The following TENM1 variants were observed in gnomAD, a reference collection of about 807,000 sequenced individuals.
TENM1 encodes teneurin-1.
Under a neutral mutation model 174.8 loss-of-function variants are expected in TENM1, and 35 were observed. That is an observed-to-expected ratio of 0.20 (90% CI 0.15 to 0.27). The LOEUF is 0.27. Ranked by LOEUF, TENM1 falls within the 10% of genes least tolerant of loss-of-function variation. The pLI is 1.00. For missense variants in TENM1, 1,633 were observed against 2,130.1 expected, an observed-to-expected ratio of 0.77 and a Z score of 4.59; for synonymous variants, 781 against 798.7, an observed-to-expected ratio of 0.98 and a Z score of 0.37.
At chrX:124,581,071 T>TC (rs2049294142) in intron 11 of TENM1, among the ~76,000 whole-genome samples, 2 of 98,012 alleles carry the variant, frequency 2.0e-5, no homozygotes, top group Admixed American at 2.2e-4. Context: ...TTTTTTTTTT[T>TC]TTTTTTTTTT....
intron 3 of TENM1, among the ~76,000 whole-genome samples, chrX:124,851,714 C>T (rs1374546917): frequency 1.8e-5 from 2 of 110,936 alleles, no homozygotes; most frequent in Non-Finnish European, 3.8e-5. Context: ...ATCCTGATTG[C>T]TTCCATTTCT....
chrX:125,139,015 G>C, the TENM1 span, among the ~76,000 whole-genome samples: 1 of 110,500 alleles, frequency 9.0e-6, no homozygotes, highest in Non-Finnish European at 1.9e-5. Context: ...ATGGATGATA[G>C]TGTTCTACTA....
chrX:124,866,869 A>C (rs1235397965), intron 3 of TENM1, among the ~76,000 whole-genome samples: 1 of 111,070 alleles, frequency 9.0e-6, no homozygotes, highest in African/African-American at 3.3e-5. Flanking sequence ...ATCTGCAACT[A>C]TATGCTAATA....
the TENM1 span, among the ~76,000 whole-genome samples, chrX:125,104,475 T>C: frequency 8.9e-6 from 1 of 111,751 alleles, no homozygotes; most frequent in African/African-American, 3.3e-5. Context: ...AATTATGACA[T>C]TGACAATGTC....
At chrX:124,615,151 C>A (rs766413408) in intron 11 of TENM1, among the ~76,000 whole-genome samples, 13 of 112,181 alleles carry the variant, frequency 1.2e-4, no homozygotes, top group Admixed American at 9.4e-4. Flanking sequence ...AAATATGTAA[C>A]CTTGGATGTA....
In TENM1 at chrX:124,522,979, C is replaced by T. The variant is rs182186796; in HGVS notation, c.3033+385G>A. Among the ~76,000 whole-genome samples the T allele has an allele frequency of 2.7e-3, 305 of 112,215 alleles. 3 individuals carry two copies. Among genetic ancestry groups the T allele is most frequent in the Admixed American group, 0.027 (284 of 10,580 alleles). ...CTGGGATTACAGGCATGAGCCGCCACGCCCAGCTCAAAAACTAAATTTCTT... is the reference window on the plus strand; with the variant it reads ...CTGGGATTACAGGCATGAGCCGCCATGCCCAGCTCAAAAACTAAATTTCTT... On this transcript the variant is annotated intron_variant, in intron 17 of 31. Coordinates refer to ENST00000422452, the Ensembl canonical transcript of TENM1.
At chrX:124,401,178 T>C (rs972444528) in intron 27 of TENM1, among the ~76,000 whole-genome samples, 5 of 110,873 alleles carry the variant, frequency 4.5e-5, no homozygotes, top group African/African-American at 1.6e-4. Flanking sequence ...CCTTTTCTGA[T>C]TTTTTTTTCT....
chrX:124,984,446 G>A, the TENM1 span, among the ~76,000 whole-genome samples: 4 of 112,119 alleles, frequency 3.6e-5, no homozygotes. Context: ...TTGTCTAAAG[G>A]TATTAATTTT....
the TENM1 span, among the ~76,000 whole-genome samples, chrX:125,180,756 T>A: frequency 9.0e-6 from 1 of 111,207 alleles, no homozygotes; most frequent in Non-Finnish European, 1.9e-5. Flanking sequence ...TCTATGCTTA[T>A]CTCTTCTCAT....
At chrX:124,597,484 G>A (rs762073007) in intron 11 of TENM1, among the ~76,000 whole-genome samples, 5 of 111,008 alleles carry the variant, frequency 4.5e-5, no homozygotes, top group South Asian at 3.9e-4. Flanking sequence ...GGATGCAAAC[G>A]CACAAGAATG....
chrX:124,657,803 G>A (rs2148407096), intron 6 of TENM1, among the ~76,000 whole-genome samples: 1 of 111,867 alleles, frequency 8.9e-6, no homozygotes, highest in South Asian at 3.8e-4. Context: ...AGCAATCTGA[G>A]TTGTATTTTA....
intron 3 of TENM1, among the ~76,000 whole-genome samples, chrX:124,830,974 G>C (rs1372861985): frequency 9.0e-6 from 1 of 111,545 alleles, no homozygotes; most frequent in Non-Finnish European, 1.9e-5. Context: ...TTAGCTCCTG[G>C]GGGTAATGGG....
chrX:124,842,834 C>A (rs764628178), intron 3 of TENM1, among the ~76,000 whole-genome samples: 1 of 111,223 alleles, frequency 9.0e-6, no homozygotes, highest in African/African-American at 3.3e-5. Flanking sequence ...TAGTCCATAG[C>A]ATACTGGTTT....
intron 11 of TENM1, among the ~76,000 whole-genome samples, chrX:124,624,235 C>T (rs982509500): frequency 3.6e-5 from 4 of 111,299 alleles, no homozygotes; most frequent in African/African-American, 9.8e-5. Flanking sequence ...CTTTGAATTA[C>T]GCCATGCTGA....
chrX:124,953,208 T>C (rs2058516973), intron 1 of TENM1, among the ~76,000 whole-genome samples: 1 of 111,995 alleles, frequency 8.9e-6, no homozygotes, highest in African/African-American at 3.2e-5. Flanking sequence ...ATATGAAATA[T>C]TGCTACATTT....
the TENM1 span, among the ~76,000 whole-genome samples, chrX:124,987,582 G>T: frequency 9.0e-6 from 1 of 111,279 alleles, no homozygotes; most frequent in African/African-American, 3.3e-5. Context: ...AAACAAATCT[G>T]TGTGTTAAAA....
rs1327793872 is a variant in TENM1, at chrX:124,494,902, C to T, written c.3695+2114G>A. Among the ~76,000 whole-genome samples, 4 of 96,782 alleles carry T rather than the reference C, an allele frequency of 4.1e-5. No individual in the cohort carries two copies. In the South Asian group the frequency reaches 1.6e-3, roughly 39 times the overall value. The allele number at this position is 96,782 out of a possible 115,157, so 84.0% of individuals were successfully genotyped here. A position where few individuals can be genotyped will look rare whatever the true frequency, so the allele number is the denominator to read the frequency against. On this transcript the variant is annotated intron_variant, in intron 20 of 31. Transcript: ENST00000422452. ...GTATATGTGCCACATTTTCTTAATC[C>T]AGTCTATCATTGTTGGACATTTGGG...
chrX:125,148,466 G>A, the TENM1 span, among the ~76,000 whole-genome samples: 10 of 111,109 alleles, frequency 9.0e-5, no homozygotes, highest in Non-Finnish European at 1.5e-4. Context: ...CCCCTACACC[G>A]AGTTATTCCT....
chrX:124,804,289 A>G (rs938295062), intron 3 of TENM1, among the ~76,000 whole-genome samples: 4 of 112,266 alleles, frequency 3.6e-5, no homozygotes, highest in Non-Finnish European at 7.5e-5. Context: ...TATGATTCAA[A>G]GAGGACCTTA....
Sources: allele counts gnomAD v4.1 joint callset (sites outside exome capture counted in the v4.1 genomes callset), GRCh38; gene constraint gnomAD v4.1.1; transcripts MANE v1.5; gene names NCBI Gene and HGNC (gene_info 2026-07-23, HGNC 2026-07-21).